The following SEC24A variants were observed in gnomAD, a reference collection of about 807,000 sequenced individuals.
The protein encoded by SEC24A is SEC24 homolog A, COPII component.
In SEC24A, 93 loss-of-function variants were observed where a neutral mutation model predicts 129.4. The observed-to-expected ratio is 0.72, with a 90% confidence interval of 0.61 to 0.85. The LOEUF (loss-of-function observed/expected upper bound fraction) is 0.85. Among genes scored for constraint, SEC24A ranks in the 40% least tolerant of loss-of-function variants. The pLI is 0.00. For missense variants in SEC24A, 1,264 were observed against 1,307.4 expected (o/e 0.97, Z 0.51); for synonymous variants, 460 against 467.3 (o/e 0.98, Z 0.20).
rs760290027 is a variant in SEC24A, at chr5:134,676,144, CTT to C, written c.1254+31_1254+32del. ...CTTAGTGGTATGTTTCTTTTCTTTT[CTT>C]TTTTTTTTTTTGAGACGGAGTCTCC... is the stretch of plus-strand genomic sequence containing the variant. On this transcript the variant is annotated intron_variant, in intron 7 of 22. Coordinates refer to ENST00000398844, the MANE Select transcript of SEC24A (RefSeq NM_021982.3). The C allele has an allele frequency of 2.1e-3, 2,593 of 1,250,648 alleles. No individual in the cohort carries two copies. Among genetic ancestry groups the C allele is most frequent in the South Asian group, 3.2e-3 (222 of 69,400 alleles). 77.5% of individuals were successfully genotyped at this position (1,250,648 alleles called of 1,614,324 possible). A position where few individuals can be genotyped will look rare whatever the true frequency, so the allele number is the denominator to read the frequency against.
At chr5:134,672,004 A>G in intron 4 of SEC24A, 118 bp downstream of exon 4, 1 of 650,636 alleles carries the variant, frequency 1.5e-6, no homozygotes, top group Non-Finnish European at 2.7e-6. Context: ...ATGTAGCCAT[A>G]CATACTATTA....
intron 1 of SEC24A, among the ~76,000 whole-genome samples, chr5:134,660,227 G>T (rs577670043): frequency 5.3e-4 from 80 of 151,740 alleles, no homozygotes; most frequent in African/African-American, 1.8e-3. Flanking sequence ...TTAGGCCGGC[G>T]TGGTGGTGCA....
chr5:134,707,527 C>T (rs1483846142), intron 17 of SEC24A, among the ~76,000 whole-genome samples: 1 of 152,004 alleles, frequency 6.6e-6, no homozygotes, highest in East Asian at 1.9e-4. Flanking sequence ...GACGGGGTTT[C>T]ACCATGTTAG....
At chr5:134,723,760 G>A (rs1192455719) in intron 22 of SEC24A, 90 bp downstream of exon 22, 4 of 731,460 alleles carry the variant, frequency 5.5e-6, no homozygotes, top group African/African-American at 3.6e-5. Flanking sequence ...AAAGAAGAAA[G>A]AAAAAGAGTT....
At position 134,666,902 on chromosome 5, in the gene SEC24A, TG is replaced by T; in HGVS notation, c.647del (p.Gly216GlufsTer6). The stretch of plus-strand genomic sequence containing the variant: ...GAGCTCCTCATGGGCCCCCTCCAGC[TG>T]GAGGCCCACCCCCAGTGAGGGCCCT... ...PGAPHGPPPA[G>X]GPPPVRALTP... On this transcript the variant is annotated frameshift_variant, in exon 3 of 23. Transcript: ENST00000398844. LOFTEE classifies it high-confidence loss of function. 2 of 1,613,628 alleles carry T rather than the reference TG, an allele frequency of 1.2e-6. No homozygotes were observed. The highest frequency in any genetic ancestry group is 8.5e-7 in the Non-Finnish European group (1 of 1,179,616).
At chr5:134,674,168 AT>A (rs1386320792) in intron 4 of SEC24A, among the ~76,000 whole-genome samples, 1 of 152,048 alleles carries the variant, frequency 6.6e-6, no homozygotes, top group Non-Finnish European at 1.5e-5. Context: ...AAATAAATAG[AT>A]TTTAGTCATT....
At chr5:134,662,376 G>A (rs559602427) in intron 2 of SEC24A, among the ~76,000 whole-genome samples, 6 of 151,920 alleles carry the variant, frequency 3.9e-5, no homozygotes, top group East Asian at 1.9e-4. Flanking sequence ...GGATGGTCTC[G>A]ATCTCCTGAC....
intron 16 of SEC24A, 21 bp downstream of exon 16, chr5:134,703,953 T>A: frequency 6.6e-7 from 1 of 1,518,096 alleles, no homozygotes; most frequent in Non-Finnish European, 9.0e-7. Context: ...TGTTTTTTTT[T>A]GGATTTCAAA....
intron 3 of SEC24A, among the ~76,000 whole-genome samples, chr5:134,671,295 C>T (rs1325705843): frequency 2.0e-5 from 3 of 152,092 alleles, no homozygotes; most frequent in Non-Finnish European, 2.9e-5. Flanking sequence ...CTCCTGACCT[C>T]GTGATCCGCC....
intron 22 of SEC24A, 26 bp downstream of exon 22, chr5:134,723,696 T>C: frequency 7.1e-7 from 1 of 1,401,790 alleles, no homozygotes. Context: ...CATTTGCTAG[T>C]AGTAAAACAA....
intron 19 of SEC24A, among the ~76,000 whole-genome samples, chr5:134,717,808 G>C (rs571865486): frequency 6.6e-6 from 1 of 151,968 alleles, no homozygotes; most frequent in Non-Finnish European, 1.5e-5. Flanking sequence ...CCAGCTACTC[G>C]GGAGGCTGAG....
At chr5:134,706,118 C>G (rs776207872) in intron 17 of SEC24A, among the ~76,000 whole-genome samples, 1 of 152,174 alleles carries the variant, frequency 6.6e-6, no homozygotes, top group Non-Finnish European at 1.5e-5. Flanking sequence ...AACTCCCGAC[C>G]TCATGTAATC....
In SEC24A at chr5:134,708,860, C is replaced by G; in HGVS notation, c.2699C>G (p.Pro900Arg). ...LMVPFSLRLFPLFVLALLKQK... is the reference protein window; with the variant it reads ...LMVPFSLRLFRLFVLALLKQK... ...GTTCCTTTTTCTTTGCGGCTTTTCC[C>G]ACTTTTTGTGTTGGCTCTCCTTAAA... The change falls in exon 18 of 23, where the codon CCA becomes CGA. Residue 900 changes from proline to arginine, a missense_variant. Transcript: ENST00000398844. 1 of 1,613,660 alleles carries G rather than the reference C, an allele frequency of 6.2e-7. No individual in the cohort carries two copies. Among genetic ancestry groups the G allele is most frequent in the Non-Finnish European group, 8.5e-7 (1 of 1,179,904 alleles).
intron 15 of SEC24A, among the ~76,000 whole-genome samples, chr5:134,702,216 T>C (rs2150103733): frequency 6.6e-6 from 1 of 152,350 alleles, no homozygotes; most frequent in Admixed American, 6.5e-5. Flanking sequence ...GGTCTCACTA[T>C]GTTGCCCAGG....
At chr5:134,699,985 G>A (rs565448585) in intron 15 of SEC24A, among the ~76,000 whole-genome samples, 8 of 151,584 alleles carry the variant, frequency 5.3e-5, no homozygotes, top group Admixed American at 1.3e-4. Flanking sequence ...ACAGGTATGA[G>A]CCACCGCACC....
intron 19 of SEC24A, chr5:134,715,721 C>A (rs1752457674): frequency 6.5e-6 from 1 of 152,864 alleles, no homozygotes; most frequent in African/African-American, 2.4e-5. Context: ...ATCATTAGCA[C>A]AAATACCTAA....
At chr5:134,721,627 C>T (rs982250302) in intron 21 of SEC24A, among the ~76,000 whole-genome samples, 2 of 151,344 alleles carry the variant, frequency 1.3e-5, no homozygotes, top group African/African-American at 4.9e-5. Context: ...GTCCCAGCAC[C>T]TTGGGAGGCT....
At chr5:134,664,048 T>C (rs1417279828) in intron 2 of SEC24A, among the ~76,000 whole-genome samples, 1 of 151,908 alleles carries the variant, frequency 6.6e-6, no homozygotes, top group Non-Finnish European at 1.5e-5. Context: ...GAGGCGGAGG[T>C]TGCAGTGAGC....
intron 16 of SEC24A, among the ~76,000 whole-genome samples, chr5:134,704,692 A>G (rs983964331): frequency 7.2e-5 from 11 of 151,740 alleles, no homozygotes; most frequent in African/African-American, 2.7e-4. Context: ...AGTCCTACCT[A>G]CTTGGGAGGC....
Sources: gnomAD v4.1 joint callset for allele counts (sites outside exome capture counted in the v4.1 genomes callset) on GRCh38, gnomAD v4.1.1 for gene constraint, MANE v1.5 for transcripts, NCBI Gene and HGNC (gene_info 2026-07-23, HGNC 2026-07-21) for gene names.